CHST15: variants seen among roughly 807,000 people sequenced by gnomAD.
CHST15 encodes the protein B cell RAG associated protein (GALNAC4S-6ST).
CHST15 carries 30 observed loss-of-function variants against 53.6 expected under a neutral mutation model. That is an observed-to-expected ratio of 0.56 (90% CI 0.42 to 0.76). CHST15 has a LOEUF of 0.76. Among genes scored for constraint, CHST15 ranks in the 30% least tolerant of loss-of-function variants. The pLI, the probability that CHST15 is intolerant of heterozygous loss-of-function variation, is 0.00. For missense variants in CHST15, 627 were observed against 740.5 expected (o/e 0.85, Z 1.78); for synonymous variants, 296 against 289.8 (o/e 1.02, Z -0.22).
intron 5 of CHST15, among the ~76,000 whole-genome samples, chr10:124,023,053 A>C (rs1946849062): frequency 6.6e-6 from 1 of 151,868 alleles, no homozygotes; most frequent in Non-Finnish European, 1.5e-5. Flanking sequence ...CTCCTGCCTC[A>C]ACTGATCCAC....
chr10:124,037,875 A>G lies in CHST15; in HGVS notation c.1190+640T>C, dbSNP rs148353779. On this transcript the variant is annotated intron_variant, in intron 5 of 7. Coordinates refer to ENST00000435907, the MANE Select transcript of CHST15 (RefSeq NM_001270764.2). ...TTCTAGGAGTTAAACCACGTGGAGA[A>G]GCTTACACCCCTGATTCTAAGGGTG... Among the ~76,000 whole-genome samples, 3 of 152,330 alleles carry G rather than the reference A, an allele frequency of 2.0e-5. No individual in the cohort carries two copies. In the East Asian group the frequency reaches 5.8e-4, roughly 29 times the overall value.
At position 124,034,738 on chromosome 10, in the gene CHST15, C is replaced by CCCGGCTCCACCCCCTAACAGGGACG. The variant is rs1564868176; in HGVS notation, c.1190+3752_1190+3776dup. ...CCCGGCTCCACCCCCTAACAGGGAC[C>CCCGGCTCCACCCCCTAACAGGGACG]CCGGCTCCACCCCCTAACAGGGACG... On this transcript the variant is annotated intron_variant, in intron 5 of 7. Coordinates refer to ENST00000435907, the MANE Select transcript of CHST15 (RefSeq NM_001270764.2). 1.3e-4 allele frequency among the ~76,000 whole-genome samples: 12 copies of CCCGGCTCCACCCCCTAACAGGGACG among 88,902 alleles called. 4 individuals carry two copies. The South Asian group carries it at 3.9e-3, about 29-fold the overall frequency. 58.3% of individuals were successfully genotyped at this position (88,902 alleles called of 152,430 possible).
intron 1 of CHST15, among the ~76,000 whole-genome samples, chr10:124,066,924 C>A (rs1948766778): frequency 6.6e-6 from 1 of 152,256 alleles, no homozygotes; most frequent in Non-Finnish European, 1.5e-5. Context: ...TTAGCCTCCT[C>A]CTTTTGTCCC....
chr10:124,049,728 T>C (rs960342713), intron 1 of CHST15, among the ~76,000 whole-genome samples: 1 of 152,216 alleles, frequency 6.6e-6, no homozygotes, highest in African/African-American at 2.4e-5. Context: ...TATGCTATAA[T>C]AGACTGATGA....
chr10:124,087,293 AG>A (rs1319750134), intron 1 of CHST15, among the ~76,000 whole-genome samples: 4 of 152,116 alleles, frequency 2.6e-5, no homozygotes, highest in African/African-American at 9.7e-5. Context: ...CCACCCTGGG[AG>A]GGATGGGATC....
Position 124,012,515 on chromosome 10 carries a change from C to T in CHST15, c.1348-35G>A. 3 of 1,594,168 alleles carry T rather than the reference C, an allele frequency of 1.9e-6. No individual in the cohort carries two copies. The Admixed American group carries it at 5.1e-5, about 27-fold the overall frequency. The stretch of plus-strand genomic sequence containing the variant: ...CAGAAGAAGGGCATTATTTCAGGAG[C>T]AGTTGCCCCAACACCATAGGGCACT... On this transcript the variant is annotated intron_variant, in intron 6 of 7. Coordinates refer to ENST00000435907, the MANE Select transcript of CHST15 (RefSeq NM_001270764.2).
chr10:124,022,785 C>A (rs1180828376), intron 5 of CHST15, among the ~76,000 whole-genome samples: 1 of 151,718 alleles, frequency 6.6e-6, no homozygotes, highest in Admixed American at 6.6e-5. Context: ...TAGCCACCAA[C>A]CCCCTCGCCC....
In CHST15 at chr10:124,044,585, C is replaced by T; in HGVS notation, c.881G>A (p.Arg294His). Residue 294 changes from arginine to histidine, a missense_variant, in exon 3 of 8, where the codon CGC becomes CAC. By Grantham distance (29) the Arg-to-His change is conservative. Transcript: ENST00000435907. Reference protein sequence around the residue: ...IKEPHWWTRKRFGIVRLRDGL... With the variant: ...IKEPHWWTRKHFGIVRLRDGL... Reference sequence around the variant, plus strand: ...CCCTGGGACCCAGCACTCACCAAAGCGCTTCCGGGTCCACCAGTGTGGCTC... The same window carrying T: ...CCCTGGGACCCAGCACTCACCAAAGTGCTTCCGGGTCCACCAGTGTGGCTC... 6.6e-7 allele frequency: 1 copy of T among 1,522,644 alleles called. No homozygotes were observed. The highest frequency in any genetic ancestry group is 8.8e-7 in the Non-Finnish European group (1 of 1,133,660). 94.3% of individuals were successfully genotyped at this position (1,522,644 alleles called of 1,614,324 possible).
intron 6 of CHST15, among the ~76,000 whole-genome samples, chr10:124,016,558 A>G (rs1376508194): frequency 6.6e-6 from 1 of 152,194 alleles, no homozygotes; most frequent in Non-Finnish European, 1.5e-5. Flanking sequence ...AAAATTGAGC[A>G]TAAAAGCCCA....
chr10:124,035,290 C>T (rs190360778), intron 5 of CHST15, among the ~76,000 whole-genome samples: 38 of 138,446 alleles, frequency 2.7e-4, no homozygotes, highest in African/African-American at 1.0e-3. Flanking sequence ...CCTGGCTCTA[C>T]CCCTGATAGG....
At chr10:124,020,183 A>G (rs1277515582) in intron 6 of CHST15, 1 of 985,416 alleles carries the variant, frequency 1.0e-6, no homozygotes, top group Non-Finnish European at 1.2e-6. Flanking sequence ...TGCAAGACAG[A>G]CCCATCACAA....
At chr10:124,034,107 G>A (rs1947330045) in intron 5 of CHST15, among the ~76,000 whole-genome samples, 1 of 152,180 alleles carries the variant, frequency 6.6e-6, no homozygotes, top group Non-Finnish European at 1.5e-5. Flanking sequence ...GGTAGGCACT[G>A]GGTCGCCACT....
intron 6 of CHST15, among the ~76,000 whole-genome samples, chr10:124,015,397 C>T (rs1482625772): frequency 7.4e-6 from 1 of 135,898 alleles, no homozygotes; most frequent in African/African-American, 2.7e-5. Flanking sequence ...CAGGGCAGGG[C>T]GGGGGGGGCT....
intron 1 of CHST15, among the ~76,000 whole-genome samples, chr10:124,068,713 G>A (rs1948823832): frequency 6.6e-6 from 1 of 152,032 alleles, no homozygotes; most frequent in Non-Finnish European, 1.5e-5. Flanking sequence ...GCATCACTAT[G>A]CTCTTATTAA....
intron 1 of CHST15, among the ~76,000 whole-genome samples, chr10:124,090,165 G>A (rs979842377): frequency 3.3e-5 from 5 of 152,188 alleles, no homozygotes; most frequent in Non-Finnish European, 5.9e-5. Flanking sequence ...GCAAGCTTCA[G>A]ACCTCCTGGA....
At chr10:124,044,985 C>T in intron 2 of CHST15, 66 bp from the exon 3 acceptor site, 2 of 1,087,954 alleles carry the variant, frequency 1.8e-6, no homozygotes, top group Non-Finnish European at 2.5e-6. Flanking sequence ...AATCTAACCG[C>T]AATGGGAACC....
chr10:124,083,662 CT>C (rs943394364), intron 1 of CHST15, among the ~76,000 whole-genome samples: 19 of 152,276 alleles, frequency 1.2e-4, no homozygotes, highest in African/African-American at 4.6e-4. Context: ...AAATGTCAGG[CT>C]GATACTGTTC....
Position 124,074,059 on chromosome 10 carries a change from C to T in CHST15, c.-513+19410G>A, listed in dbSNP as rs1949002823. Among the ~76,000 whole-genome samples the T allele has an allele frequency of 6.6e-6, 1 of 152,182 alleles. No individual in the cohort carries two copies. Among genetic ancestry groups the T allele is most frequent in the Admixed American group, 6.5e-5 (1 of 15,284 alleles). On this transcript the variant is annotated intron_variant, in intron 1 of 7. Transcript: ENST00000435907. This position sits in a 1 kb window ranked among gnomAD's most constrained non-coding sequence, Gnocchi z 4.4. ...ATGGGGGCTTTAAAAGAGATATTTT[C>T]CACATAGTCTTTTTAGCCTCTTTCC...
intron 6 of CHST15, among the ~76,000 whole-genome samples, chr10:124,016,974 CAGG>C (rs1946606227): frequency 6.6e-6 from 1 of 152,188 alleles, no homozygotes; most frequent in Non-Finnish European, 1.5e-5. Context: ...TGACCCGCAG[CAGG>C]AGGGCAGGGG....
Sources: gnomAD v4.1 joint callset for allele counts (sites outside exome capture counted in the v4.1 genomes callset) on GRCh38, gnomAD v4.1.1 for gene constraint, Gnocchi (gnomAD v3.1) non-coding constraint, MANE v1.5 for transcripts, NCBI Gene and HGNC (gene_info 2026-07-23, HGNC 2026-07-21) for gene names.